PCDH15: variants seen among roughly 807,000 people sequenced by gnomAD.
PCDH15 encodes the protein protocadherin related 15.
A neutral mutation model predicts 178.5 loss-of-function variants in PCDH15; 129 were observed. The observed-to-expected ratio is 0.72, with a 90% CI of 0.63 to 0.84. The LOEUF is 0.84. Among genes scored for constraint, PCDH15 ranks in the 40% least tolerant of loss-of-function variants. PCDH15 has a pLI of 0.00. For synonymous variants in PCDH15, 800 were observed against 732.0 expected (o/e 1.09, Z -1.50); for missense variants, 2,230 against 2,099.9 (o/e 1.06, Z -1.21).
chr10:55,238,273 C>T (rs1360731045), intron 1 of PCDH15, among the ~76,000 whole-genome samples: 6 of 151,652 alleles, frequency 4.0e-5, no homozygotes, highest in Non-Finnish European at 8.8e-5. Context: ...CCTCAGCCTC[C>T]CGAGTAGTTG....
At chr10:54,518,295 C>T (rs1244309302) in intron 3 of PCDH15, among the ~76,000 whole-genome samples, 1 of 151,746 alleles carries the variant, frequency 6.6e-6, no homozygotes, top group Non-Finnish European at 1.5e-5. Flanking sequence ...AAAAGATCAA[C>T]AAAATTGATA....
At chr10:54,779,586 C>T (rs143507101) in intron 1 of PCDH15, among the ~76,000 whole-genome samples, 1,708 of 144,484 alleles carry the variant, frequency 0.012, 15 homozygotes, top group South Asian at 0.033. Flanking sequence ...CTGATTCTTT[C>T]CTACTATGTG....
intron 3 of PCDH15, among the ~76,000 whole-genome samples, chr10:54,810,918 T>C (rs1952853422): frequency 6.6e-6 from 1 of 152,070 alleles, no homozygotes; most frequent in South Asian, 2.1e-4. Flanking sequence ...ATAATGGTAA[T>C]ATAAAAATAG....
chr10:54,370,944 C>T (rs754725845), intron 4 of PCDH15, among the ~76,000 whole-genome samples: 6 of 151,756 alleles, frequency 4.0e-5, no homozygotes, highest in Non-Finnish European at 7.4e-5. Context: ...TAAATTGAGG[C>T]ATCATTGACA....
At chr10:54,824,246 T>C (rs1953091573) in intron 3 of PCDH15, among the ~76,000 whole-genome samples, 1 of 152,148 alleles carries the variant, frequency 6.6e-6, no homozygotes, top group Non-Finnish European at 1.5e-5. Flanking sequence ...TAAATACATG[T>C]ATTGAAGCCC....
At chr10:54,269,421 T>G (rs2057907534) in intron 8 of PCDH15, among the ~76,000 whole-genome samples, 1 of 151,928 alleles carries the variant, frequency 6.6e-6, no homozygotes, top group African/African-American at 2.4e-5. Context: ...CTGCAAGGTG[T>G]TAAAAGTTAA....
chr10:55,225,715 T>C lies in PCDH15; in HGVS notation c.-155-59064A>G, dbSNP rs75735382. ...AGAGGTATAAAAGCAGGAGGATTAA[T>C]TAACTATGAGTGTGAAGTATAAGAA... On this transcript the variant is annotated intron_variant, in intron 1 of 5. Transcript: ENST00000458638. Among the ~76,000 whole-genome samples the C allele has an allele frequency of 6.8e-3, 1,029 of 151,816 alleles. 20 individuals are homozygous for C. Among genetic ancestry groups the C allele is most frequent in the African/African-American group, 0.023 (950 of 41,326 alleles).
chr10:54,574,386 T>C (rs2133646234), intron 2 of PCDH15, among the ~76,000 whole-genome samples: 1 of 151,734 alleles, frequency 6.6e-6, no homozygotes, highest in South Asian at 2.1e-4. Context: ...TTGATCTATA[T>C]CTCTGTTTTG....
At chr10:55,222,092 G>GTC (rs1840893901) in intron 1 of PCDH15, among the ~76,000 whole-genome samples, 1 of 151,362 alleles carries the variant, frequency 6.6e-6, no homozygotes, top group Non-Finnish European at 1.5e-5. Context: ...AGCCAGGATG[G>GTC]TCTCGAGCTC....
intron 5 of PCDH15, among the ~76,000 whole-genome samples, chr10:54,350,272 T>G (rs1451351711): frequency 6.6e-6 from 1 of 152,216 alleles, no homozygotes; most frequent in Non-Finnish European, 1.5e-5. Flanking sequence ...TGGTATTTAC[T>G]GGCTGACAGG....
chr10:53,975,033 A>G (rs745314814), intron 21 of PCDH15, among the ~76,000 whole-genome samples: 8 of 152,112 alleles, frequency 5.3e-5, no homozygotes, highest in Non-Finnish European at 1.2e-4. Flanking sequence ...AACATGCAGT[A>G]TTTGGTTTTC....
At chr10:54,260,887 C>T (rs2057270271) in intron 8 of PCDH15, among the ~76,000 whole-genome samples, 1 of 152,174 alleles carries the variant, frequency 6.6e-6, no homozygotes, top group African/African-American at 2.4e-5. Context: ...CCCACGTTGG[C>T]CTCCCAAAGT....
intron 2 of PCDH15, among the ~76,000 whole-genome samples, chr10:54,554,128 C>T (rs1421133129): frequency 6.6e-6 from 1 of 152,040 alleles, no homozygotes; most frequent in Non-Finnish European, 1.5e-5. Flanking sequence ...AACTTAATGG[C>T]CTTTTCCCTA....
chr10:55,221,361 A>G (rs1840870578), intron 1 of PCDH15, among the ~76,000 whole-genome samples: 1 of 152,150 alleles, frequency 6.6e-6, no homozygotes, highest in African/African-American at 2.4e-5. Context: ...TTTTACTGAT[A>G]TAAAAATATG....
At chr10:54,855,808 G>A (rs1366879260) in intron 3 of PCDH15, among the ~76,000 whole-genome samples, 1 of 152,172 alleles carries the variant, frequency 6.6e-6, no homozygotes, top group Non-Finnish European at 1.5e-5. Flanking sequence ...TCACTGAGTA[G>A]CATTGACATA....
intron 1 of PCDH15, among the ~76,000 whole-genome samples, chr10:54,728,626 A>G (rs1445282598): frequency 6.6e-6 from 1 of 151,078 alleles, no homozygotes; most frequent in Non-Finnish European, 1.5e-5. Flanking sequence ...ATGCATCCAA[A>G]TAGAGAGGTA....
At position 54,632,612 on chromosome 10, in the gene PCDH15, T is replaced by C. The variant is rs184194540; in HGVS notation, c.91+31560A>G. Among the ~76,000 whole-genome samples, 294 of 152,222 alleles carry C rather than the reference T, an allele frequency of 1.9e-3. 6 individuals are homozygous for C. Among genetic ancestry groups the C allele is most frequent in the Non-Finnish European group, 2.6e-4 (18 of 67,998 alleles). Reference sequence around the variant, plus strand: ...TATTAAAATTACCCCTGCTAAAATTTTAATTAACAATATTTATAACTTTAA... The same window carrying C: ...TATTAAAATTACCCCTGCTAAAATTCTAATTAACAATATTTATAACTTTAA... On this transcript the variant is annotated intron_variant, in intron 2 of 37. Coordinates refer to ENST00000644397, the MANE Select transcript of PCDH15 (RefSeq NM_001384140.1).
intron 2 of PCDH15, among the ~76,000 whole-genome samples, chr10:55,405,977 C>T (rs533554546): frequency 7.4e-5 from 11 of 148,044 alleles, no homozygotes; most frequent in Admixed American, 2.1e-4. Context: ...GAGTCAGTGT[C>T]GATGAGAAAA....
chr10:54,591,753 A>T (rs896136481), intron 2 of PCDH15, among the ~76,000 whole-genome samples: 1 of 152,190 alleles, frequency 6.6e-6, no homozygotes, highest in African/African-American at 2.4e-5. Context: ...TCTATATTAC[A>T]TATTTGGGAA....
Sources: gnomAD v4.1 joint callset for allele counts (sites outside exome capture counted in the v4.1 genomes callset) on GRCh38, gnomAD v4.1.1 for gene constraint, MANE v1.5 for transcripts, NCBI Gene and HGNC (gene_info 2026-07-23, HGNC 2026-07-21) for gene names.